The following MDGA2 variants were observed in gnomAD, a reference collection of about 807,000 sequenced individuals.
MDGA2 encodes MAM domain containing glycosylphosphatidylinositol anchor 2, also known as MAM domain-containing glycosylphosphatidylinositol anchor protein 2.
In MDGA2, 40 loss-of-function variants were observed where a neutral mutation model predicts 117.8. The observed-to-expected ratio is 0.34, with a 90% CI of 0.26 to 0.44. The LOEUF (loss-of-function observed/expected upper bound fraction) is 0.44. MDGA2 is among the 20% of genes least tolerant of loss of function. The pLI, the probability that MDGA2 is intolerant of heterozygous loss-of-function variation, is 1.00. For synonymous variants in MDGA2, 452 were observed against 439.0 expected (o/e 1.03, Z -0.37); for missense variants, 1,123 against 1,250.6 (o/e 0.90, Z 1.54).
intron 3 of MDGA2, among the ~76,000 whole-genome samples, chr14:47,168,497 T>C (rs1883983019): frequency 6.6e-6 from 1 of 152,076 alleles, no homozygotes; most frequent in Non-Finnish European, 1.5e-5. Context: ...GCTATTGTTT[T>C]TCTTTTGCTC....
At chr14:46,904,357 CAAAA>C (rs5808366) in intron 10 of MDGA2, among the ~76,000 whole-genome samples, 16 of 73,870 alleles carry the variant, frequency 2.2e-4, no homozygotes, top group Admixed American at 7.8e-4. Flanking sequence ...GACTCTGTCT[CAAAA>C]AAAAAAAAAA....
At chr14:47,188,442 A>G (rs1884991211) in intron 3 of MDGA2, among the ~76,000 whole-genome samples, 1 of 152,180 alleles carries the variant, frequency 6.6e-6, no homozygotes, top group Admixed American at 6.5e-5. Flanking sequence ...GTTGAAGCCC[A>G]CCAACAATCA....
intron 10 of MDGA2, among the ~76,000 whole-genome samples, chr14:46,893,762 T>C (rs1016310513): frequency 1.3e-5 from 2 of 152,076 alleles, no homozygotes; most frequent in African/African-American, 4.8e-5. Context: ...AATGTAATCA[T>C]AGAGATTGAG....
At chr14:47,241,411 A>G (rs1887035915) in intron 2 of MDGA2, among the ~76,000 whole-genome samples, 1 of 151,840 alleles carries the variant, frequency 6.6e-6, no homozygotes, top group African/African-American at 2.4e-5. Flanking sequence ...GAAAAATCCT[A>G]TCTTTTCCAT....
At chr14:47,630,621 A>G (rs1223449410) in intron 1 of MDGA2, among the ~76,000 whole-genome samples, 1 of 152,216 alleles carries the variant, frequency 6.6e-6, no homozygotes. Context: ...AATGGCGATC[A>G]TCAAAATAAG....
intron 1 of MDGA2, among the ~76,000 whole-genome samples, chr14:47,312,727 T>TGA: frequency 6.9e-6 from 1 of 143,986 alleles, no homozygotes; most frequent in African/African-American, 2.6e-5. Flanking sequence ...ATAGGGTATT[T>TGA]CCATGCTGCC....
At chr14:47,296,724 T>C (rs1363723807) in intron 2 of MDGA2, among the ~76,000 whole-genome samples, 1 of 152,240 alleles carries the variant, frequency 6.6e-6, no homozygotes, top group Non-Finnish European at 1.5e-5. Flanking sequence ...ACAGCAATGC[T>C]ACCATACATT....
intron 2 of MDGA2, among the ~76,000 whole-genome samples, chr14:47,263,517 T>C (rs780421471): frequency 3.6e-4 from 55 of 152,180 alleles, no homozygotes; most frequent in Non-Finnish European, 6.3e-4. Context: ...TTCAGTGGAG[T>C]CCTCATTAAA....
intron 2 of MDGA2, among the ~76,000 whole-genome samples, chr14:47,253,020 A>C (rs1337436801): frequency 1.3e-5 from 2 of 152,198 alleles, no homozygotes; most frequent in Non-Finnish European, 2.9e-5. Flanking sequence ...AAAGCATCAG[A>C]TCTCAAAAGA....
At chr14:47,194,745 ACTCT>A (rs150931481) in intron 3 of MDGA2, among the ~76,000 whole-genome samples, 6 of 150,356 alleles carry the variant, frequency 4.0e-5, no homozygotes, top group African/African-American at 1.5e-4. Flanking sequence ...GGTGAATCTC[ACTCT>A]CTCTCTCTCA....
At chr14:47,196,442 C>G (rs377125971) in intron 3 of MDGA2, among the ~76,000 whole-genome samples, 1 of 152,142 alleles carries the variant, frequency 6.6e-6, no homozygotes, top group East Asian at 1.9e-4. Context: ...ATTTTAAGTA[C>G]TAGCTGCTTC....
intron 8 of MDGA2, among the ~76,000 whole-genome samples, chr14:47,033,067 C>T (rs1164452589): frequency 1.3e-5 from 2 of 152,144 alleles, no homozygotes; most frequent in Non-Finnish European, 1.5e-5. Context: ...ATTTTTTACT[C>T]AATTATGTTC....
chr14:47,201,472 C>T (rs141527465), intron 3 of MDGA2, among the ~76,000 whole-genome samples: 2 of 152,270 alleles, frequency 1.3e-5, no homozygotes, highest in African/African-American at 2.4e-5. Flanking sequence ...TTGCCTGGTG[C>T]ACCTACTCAT....
intron 5 of MDGA2, among the ~76,000 whole-genome samples, chr14:47,105,370 A>AC (rs1451091426): frequency 1.4e-5 from 2 of 144,674 alleles, no homozygotes; most frequent in East Asian, 2.0e-4. Flanking sequence ...GAGGGCAAGA[A>AC]CCCCCCACCC....
chr14:47,048,644 G>T (rs1369498146), intron 7 of MDGA2, among the ~76,000 whole-genome samples: 4 of 151,926 alleles, frequency 2.6e-5, no homozygotes, highest in African/African-American at 9.7e-5. Context: ...TAAACATTTT[G>T]ACATAAAACG....
At chr14:47,202,181 G>T (rs916189593) in intron 3 of MDGA2, among the ~76,000 whole-genome samples, 6 of 151,926 alleles carry the variant, frequency 3.9e-5, no homozygotes, top group Admixed American at 2.6e-4. Flanking sequence ...TCCTTATAAT[G>T]GGCTTAACAC....
intron 1 of MDGA2, among the ~76,000 whole-genome samples, chr14:47,662,937 TTTGA>T (rs1368802519): frequency 1.3e-5 from 2 of 152,194 alleles, no homozygotes; most frequent in Non-Finnish European, 2.9e-5. Flanking sequence ...AAGGTTGAGC[TTTGA>T]TTAATTGGGA....
At chr14:47,475,784 T>G (rs1243231248) in intron 1 of MDGA2, among the ~76,000 whole-genome samples, 1 of 152,088 alleles carries the variant, frequency 6.6e-6, no homozygotes, top group Non-Finnish European at 1.5e-5. Flanking sequence ...TGAGAACACA[T>G]GAACACAGTA....
intron 2 of MDGA2, among the ~76,000 whole-genome samples, chr14:47,250,781 AAAG>A (rs1307952340): frequency 1.3e-5 from 2 of 152,258 alleles, no homozygotes; most frequent in Admixed American, 6.5e-5. Flanking sequence ...TTTTGTTAAA[AAAG>A]AAGAAGAGAA....
Sources: gnomAD v4.1 joint callset for allele counts (sites outside exome capture counted in the v4.1 genomes callset) on GRCh38, gnomAD v4.1.1 for gene constraint, MANE v1.5 for transcripts, NCBI Gene and HGNC (gene_info 2026-07-23, HGNC 2026-07-21) for gene names.